The following COL19A1 variants were observed in gnomAD, a reference collection of about 807,000 sequenced individuals.
The protein encoded by COL19A1 is collagen type XIX alpha 1 chain.
Under a neutral mutation model 190.2 loss-of-function variants are expected in COL19A1, and 159 were observed. The ratio of observed to expected loss-of-function variants is 0.84; its 90% confidence interval spans 0.73 to 0.95. The LOEUF (loss-of-function observed/expected upper bound fraction) is 0.95, where lower values mean the gene tolerates loss of function less well. Ranked by LOEUF, COL19A1 falls within the 40% of genes least tolerant of loss-of-function variation. The probability of loss-of-function intolerance (pLI) is 0.00; values close to 1 mark genes in which losing one functional copy is unlikely to be tolerated. For synonymous variants in COL19A1, 509 were observed against 458.9 expected, an observed-to-expected ratio of 1.11 and a Z score of -1.39; for missense variants, 1,418 against 1,431.9, an observed-to-expected ratio of 0.99 and a Z score of 0.16.
intron 15 of COL19A1, among the ~76,000 whole-genome samples, chr6:70,083,684 A>T (rs1307149583): frequency 6.6e-6 from 1 of 152,240 alleles, no homozygotes; most frequent in East Asian, 1.9e-4. Context: ...TAATTAAGAG[A>T]AATGTGCACT....
intron 16 of COL19A1, among the ~76,000 whole-genome samples, chr6:70,107,188 G>A (rs1185987764): frequency 6.6e-6 from 1 of 152,168 alleles, no homozygotes; most frequent in Admixed American, 6.6e-5. Context: ...CTTCAGGTGT[G>A]AAAGACAAGC....
chr6:69,945,104 A>G (rs946693227), intron 9 of COL19A1, among the ~76,000 whole-genome samples: 2 of 151,930 alleles, frequency 1.3e-5, no homozygotes, highest in East Asian at 3.9e-4. Context: ...GCTCAATTTT[A>G]ATGTTCTTGA....
At chr6:70,037,433 G>T (rs1779412350) in intron 14 of COL19A1, among the ~76,000 whole-genome samples, 1 of 152,032 alleles carries the variant, frequency 6.6e-6, no homozygotes, top group African/African-American at 2.4e-5. Flanking sequence ...TGGGATTACA[G>T]GCTTGAGCCA....
intron 14 of COL19A1, among the ~76,000 whole-genome samples, chr6:70,048,879 T>G (rs934320638): frequency 2.6e-5 from 4 of 152,134 alleles, no homozygotes; most frequent in Non-Finnish European, 4.4e-5. Context: ...ATACGTGCTT[T>G]GCTGCATATA....
At chr6:69,990,742 G>A (rs1185620781) in intron 11 of COL19A1, among the ~76,000 whole-genome samples, 1 of 152,036 alleles carries the variant, frequency 6.6e-6, no homozygotes, top group African/African-American at 2.4e-5. Flanking sequence ...GTATGGTGGT[G>A]TGTGCCAAGA....
chr6:70,094,078 G>A (rs777695473), intron 15 of COL19A1, among the ~76,000 whole-genome samples: 2 of 152,124 alleles, frequency 1.3e-5, no homozygotes, highest in Non-Finnish European at 2.9e-5. Context: ...TATGACTAGT[G>A]TTGTTACTGT....
At chr6:70,070,965 T>C (rs1258946115) in intron 15 of COL19A1, among the ~76,000 whole-genome samples, 2 of 152,166 alleles carry the variant, frequency 1.3e-5, no homozygotes, top group East Asian at 3.8e-4. Context: ...GTATTGACTA[T>C]CATTAAGGCT....
intron 11 of COL19A1, among the ~76,000 whole-genome samples, chr6:70,003,439 TTTA>T (rs1269558755): frequency 6.6e-6 from 1 of 152,052 alleles, no homozygotes; most frequent in African/African-American, 2.4e-5. Context: ...AATTTCCTGT[TTTA>T]TTGATCTGTC....
At chr6:69,966,612 C>T (rs913058677) in intron 11 of COL19A1, among the ~76,000 whole-genome samples, 9 of 151,996 alleles carry the variant, frequency 5.9e-5, no homozygotes, top group African/African-American at 2.2e-4. Flanking sequence ...ATCTCAAGTA[C>T]CCAGGGACAC....
At chr6:70,040,121 T>C (rs1457860707) in intron 14 of COL19A1, among the ~76,000 whole-genome samples, 1 of 152,156 alleles carries the variant, frequency 6.6e-6, no homozygotes, top group Admixed American at 6.5e-5. Context: ...GTGCTTTTGG[T>C]ACTTAAATTT....
chr6:69,992,166 ATTGCT>A (rs1375237744), intron 11 of COL19A1, among the ~76,000 whole-genome samples: 1 of 152,102 alleles, frequency 6.6e-6, no homozygotes, highest in Admixed American at 6.6e-5. Context: ...TCCTTTCCCC[ATTGCT>A]TGTTTTCGTA....
chr6:70,078,727 T>C (rs1782046401), intron 15 of COL19A1, among the ~76,000 whole-genome samples: 1 of 152,112 alleles, frequency 6.6e-6, no homozygotes, highest in Non-Finnish European at 1.5e-5. Context: ...CCTTGATGGC[T>C]TTTGAGTGAA....
chr6:70,079,769 A>G (rs768657637), intron 15 of COL19A1, among the ~76,000 whole-genome samples: 3 of 152,210 alleles, frequency 2.0e-5, no homozygotes, highest in African/African-American at 7.2e-5. Context: ...TCAGGGGATT[A>G]TGAACTATTA....
intron 48 of COL19A1, among the ~76,000 whole-genome samples, chr6:70,196,876 G>T (rs559171608): frequency 2.6e-5 from 4 of 152,240 alleles, no homozygotes; most frequent in South Asian, 4.1e-4. Flanking sequence ...ACATATTATT[G>T]TAAATTATAG....
intron 33 of COL19A1, 32 bp from the exon 34 acceptor site, chr6:70,156,638 G>C: frequency 6.2e-7 from 1 of 1,605,640 alleles, no homozygotes. Flanking sequence ...AAAAATGATT[G>C]CATGTGCTAG....
At position 69,929,656 on chromosome 6, in the gene COL19A1, C is replaced by T. The variant is rs186826494; in HGVS notation, c.622C>T (p.Arg208Trp). Reference protein sequence around the residue: ...DEKDTVDFHGRTVIATRASDG... With the variant: ...DEKDTVDFHGWTVIATRASDG... ...AAAGGACACTGTGGATTTCCATGGA[C>T]GGACAGTTATTGCTACGCGAGCTTC... The change falls in exon 6 of 51, where the codon CGG (arginine) becomes TGG (tryptophan). Residue 208 changes from arginine to tryptophan, a missense_variant. Arg to Trp is a moderately radical substitution (Grantham distance 101). Transcript: ENST00000620364. The T allele has an allele frequency of 4.5e-5, 73 of 1,613,686 alleles. No individual in the cohort carries two copies. The Admixed American group carries it at 7.0e-4, about 15-fold the overall frequency.
At chr6:70,201,754 T>A (rs1767568210) in intron 49 of COL19A1, among the ~76,000 whole-genome samples, 1 of 152,220 alleles carries the variant, frequency 6.6e-6, no homozygotes, top group Admixed American at 6.5e-5. Context: ...GGAATATGTG[T>A]TTCTTAAAAA....
intron 16 of COL19A1, among the ~76,000 whole-genome samples, chr6:70,114,092 C>T (rs1267183000): frequency 6.6e-6 from 1 of 152,086 alleles, no homozygotes; most frequent in Non-Finnish European, 1.5e-5. Context: ...CTCAAGCAAT[C>T]TGCCCGTCTT....
At chr6:69,917,741 T>TCCAAA (rs1771403921) in intron 4 of COL19A1, among the ~76,000 whole-genome samples, 1 of 152,124 alleles carries the variant, frequency 6.6e-6, no homozygotes, top group East Asian at 1.9e-4. Context: ...TCGAATCTTT[T>TCCAAA]GGCTTCCCTG....
Sources: gnomAD v4.1 joint callset for allele counts (sites outside exome capture counted in the v4.1 genomes callset) on GRCh38, gnomAD v4.1.1 for gene constraint, MANE v1.5 for transcripts, NCBI Gene and HGNC (gene_info 2026-07-23, HGNC 2026-07-21) for gene names.